The following NCALD variants were observed in gnomAD, a reference collection of about 807,000 sequenced individuals.
The protein encoded by NCALD is neurocalcin delta.
A neutral mutation model predicts 18.6 loss-of-function variants in NCALD; 10 were observed. The ratio of observed to expected loss-of-function variants is 0.54; its 90% CI spans 0.33 to 0.91. The LOEUF is 0.91. Ranked by LOEUF, NCALD falls within the 40% of genes least tolerant of loss-of-function variation. The probability of loss-of-function intolerance (pLI) is 0.03; values close to 1 mark genes in which losing one functional copy is unlikely to be tolerated. For synonymous variants in NCALD, 88 were observed against 87.4 expected, an observed-to-expected ratio of 1.01 and a Z score of -0.04; for missense variants, 184 against 247.6, an observed-to-expected ratio of 0.74 and a Z score of 1.72.
chr8:101,972,259 T>C (rs1438750865), intron 2 of NCALD, among the ~76,000 whole-genome samples: 3 of 152,216 alleles, frequency 2.0e-5, no homozygotes, highest in Non-Finnish European at 4.4e-5. Context: ...GGGCTTTGAA[T>C]AGAGCCCAAG....
intron 2 of NCALD, among the ~76,000 whole-genome samples, chr8:102,010,777 C>T (rs147287614): frequency 6.6e-6 from 1 of 152,278 alleles, no homozygotes; most frequent in African/African-American, 2.4e-5. Flanking sequence ...AAGTAATGAA[C>T]AATTATCAGG....
At chr8:101,996,095 C>T (rs1305480278) in intron 2 of NCALD, among the ~76,000 whole-genome samples, 2 of 152,212 alleles carry the variant, frequency 1.3e-5, no homozygotes, top group African/African-American at 4.8e-5. Context: ...ATACCAAGGG[C>T]TTGGCATGGT....
intron 4 of NCALD, among the ~76,000 whole-genome samples, chr8:101,856,475 G>A (rs1177782493): frequency 6.6e-6 from 1 of 152,026 alleles, no homozygotes; most frequent in Non-Finnish European, 1.5e-5. Flanking sequence ...ACATGTCCGA[G>A]CCACCACGCC....
intron 4 of NCALD, among the ~76,000 whole-genome samples, chr8:101,841,795 T>C (rs1814653358): frequency 6.6e-6 from 1 of 152,042 alleles, no homozygotes; most frequent in Non-Finnish European, 1.5e-5. Context: ...GCATGCAACA[T>C]AATTCTGGCC....
rs1368528170 is a variant in NCALD at position 101,689,036 on chromosome 8, A to G, written c.*273T>C. ...TACGTTTTAGAACAGAGACATTAGA[A>G]TAAAAAAAAATAATAGTAACGATTA... On this transcript the variant is annotated 3_prime_UTR_variant, in exon 4 of 4. Coordinates refer to ENST00000220931, the MANE Select transcript of NCALD (RefSeq NM_032041.3). The surrounding 1 kb of genome is among the most constrained non-coding windows in gnomAD (Gnocchi z 4.4). The G allele has an allele frequency of 1.4e-6, 1 of 699,802 alleles. No homozygotes were observed. The highest frequency in any genetic ancestry group is 1.8e-5 in the African/African-American group (1 of 56,802). 43.3% of individuals were successfully genotyped at this position (699,802 alleles called of 1,614,324 possible).
intron 1 of NCALD, among the ~76,000 whole-genome samples, chr8:101,769,528 G>A (rs1263107457): frequency 1.3e-5 from 2 of 152,034 alleles, no homozygotes; most frequent in Non-Finnish European, 2.9e-5. Flanking sequence ...TCCTCGAAGT[G>A]GCTCACATTG....
At chr8:101,803,599 T>C (rs757427525) in intron 4 of NCALD, among the ~76,000 whole-genome samples, 8 of 152,282 alleles carry the variant, frequency 5.3e-5, no homozygotes, top group Non-Finnish European at 1.0e-4. Context: ...ACCTTCTGGA[T>C]AAGAGTAATT....
chr8:102,043,682 A>AGAG (rs1301931163), intron 1 of NCALD, among the ~76,000 whole-genome samples: 1 of 137,458 alleles, frequency 7.3e-6, no homozygotes, highest in African/African-American at 2.7e-5. Flanking sequence ...AGGAGGAGGA[A>AGAG]GACGAGGAGG....
intron 4 of NCALD, among the ~76,000 whole-genome samples, chr8:101,876,496 A>G (rs1371909207): frequency 6.6e-6 from 1 of 152,326 alleles, no homozygotes; most frequent in East Asian, 1.9e-4. Flanking sequence ...TATATAGACC[A>G]TGACAGTTGT....
chr8:101,880,461 C>T (rs485252), intron 4 of NCALD, among the ~76,000 whole-genome samples: 39,576 of 151,896 alleles, frequency 0.26, 5,507 homozygotes, highest in East Asian at 0.37. Context: ...CCCCACAGCG[C>T]AGTGGCGGAC....
intron 1 of NCALD, among the ~76,000 whole-genome samples, chr8:101,725,449 C>T (rs1405192082): frequency 6.6e-6 from 1 of 152,188 alleles, no homozygotes; most frequent in Non-Finnish European, 1.5e-5. Flanking sequence ...TTAATAAAAT[C>T]CTCCACATTT....
At chr8:101,733,514 C>T (rs1421349183) in intron 1 of NCALD, among the ~76,000 whole-genome samples, 1 of 151,450 alleles carries the variant, frequency 6.6e-6, no homozygotes, top group Non-Finnish European at 1.5e-5. Flanking sequence ...TCATTTTTCC[C>T]AATGAATAGG....
At chr8:101,811,031 T>C (rs1209217991) in intron 4 of NCALD, among the ~76,000 whole-genome samples, 2 of 152,176 alleles carry the variant, frequency 1.3e-5, no homozygotes, top group Non-Finnish European at 2.9e-5. Context: ...GCCATCAATA[T>C]TGTTCCAATA....
chr8:101,815,448 C>A (rs1813459852), intron 4 of NCALD, among the ~76,000 whole-genome samples: 1 of 152,024 alleles, frequency 6.6e-6, no homozygotes, highest in Non-Finnish European at 1.5e-5. Context: ...ACTCTTAAAA[C>A]TCAACAATAA....
chr8:101,901,716 A>G (rs1236411090), intron 3 of NCALD, among the ~76,000 whole-genome samples: 1 of 152,174 alleles, frequency 6.6e-6, no homozygotes, highest in African/African-American at 2.4e-5. Flanking sequence ...TAACCATGAA[A>G]TATAATTTAG....
At chr8:101,871,459 A>C (rs1257711894) in intron 4 of NCALD, among the ~76,000 whole-genome samples, 1 of 152,124 alleles carries the variant, frequency 6.6e-6, no homozygotes, top group Non-Finnish European at 1.5e-5. Flanking sequence ...AGCACAATAC[A>C]TGCTAGAACC....
intron 1 of NCALD, among the ~76,000 whole-genome samples, chr8:101,729,242 A>G (rs1816705889): frequency 6.6e-6 from 1 of 152,252 alleles, no homozygotes; most frequent in South Asian, 2.1e-4. Context: ...ATATTTATAT[A>G]TAACAGGCAA....
At chr8:101,887,391 T>C (rs1816714357) in intron 3 of NCALD, among the ~76,000 whole-genome samples, 1 of 152,204 alleles carries the variant, frequency 6.6e-6, no homozygotes, top group African/African-American at 2.4e-5. Flanking sequence ...AATTGGTTTT[T>C]GGTTCAAAGT....
chr8:102,014,316 C>A (rs1822004944), intron 2 of NCALD, among the ~76,000 whole-genome samples: 1 of 152,052 alleles, frequency 6.6e-6, no homozygotes, highest in Admixed American at 6.6e-5. Flanking sequence ...ATGGAAGGGG[C>A]AAAATTCCCA....
Sources: gnomAD v4.1 joint callset for allele counts (sites outside exome capture counted in the v4.1 genomes callset) on GRCh38, gnomAD v4.1.1 for gene constraint, Gnocchi (gnomAD v3.1) non-coding constraint, MANE v1.5 for transcripts, NCBI Gene and HGNC (gene_info 2026-07-23, HGNC 2026-07-21) for gene names.